The following ADCY5 variants were observed in gnomAD, a reference collection of about 807,000 sequenced individuals.
The protein encoded by ADCY5 is adenylate cyclase 5, also known as adenylate cyclase type 5.
In ADCY5, 30 loss-of-function variants were observed where a neutral mutation model predicts 119.7. The ratio of observed to expected loss-of-function variants is 0.25; its 90% CI spans 0.19 to 0.34. The LOEUF is 0.34. ADCY5 is among the 10% of genes least tolerant of loss of function. ADCY5 has a pLI of 1.00. For synonymous variants in ADCY5, 753 were observed against 762.2 expected (o/e 0.99, Z 0.20); for missense variants, 1,324 against 1,775.2 (o/e 0.75, Z 4.57).
chr3:123,311,951 A>G (rs1294357759), intron 12 of ADCY5, among the ~76,000 whole-genome samples: 1 of 152,196 alleles, frequency 6.6e-6, no homozygotes, highest in Admixed American at 6.5e-5. Flanking sequence ...GGCACTGATA[A>G]CAAAATAGGC....
At chr3:123,320,089 T>C (rs976161409) in intron 9 of ADCY5, among the ~76,000 whole-genome samples, 4 of 152,236 alleles carry the variant, frequency 2.6e-5, no homozygotes, top group African/African-American at 9.6e-5. Flanking sequence ...TAACATATTA[T>C]ATTAGCATAA....
At chr3:123,303,246 G>C (rs777197837) in intron 13 of ADCY5, 27 bp from the exon 14 acceptor site, 5 of 1,606,230 alleles carry the variant, frequency 3.1e-6, no homozygotes, top group East Asian at 2.2e-5. Context: ...GGGTGATGAG[G>C]GGAGGGTAAG....
At position 123,396,598 on chromosome 3, in the gene ADCY5, AAG is replaced by A. The variant is rs200435918; in HGVS notation, c.1135-44019_1135-44018del. 6.5e-3 allele frequency among the ~76,000 whole-genome samples: 857 copies of A among 132,556 alleles called. 15 individuals carry two copies. The highest frequency in any genetic ancestry group is 0.022 in the African/African-American group (791 of 35,894). 87.0% of individuals were successfully genotyped at this position (132,556 alleles called of 152,430 possible). A position where few individuals can be genotyped will look rare whatever the true frequency, so the allele number is the denominator to read the frequency against. ...AAAAAGAAAAGAAAAGAGAAGAAAAAAGAGAGAAGGGAGGGAGGAAGAAGGGA... is the reference window on the plus strand; with the variant it reads ...AAAAAGAAAAGAAAAGAGAAGAAAAAAGAGAAGGGAGGGAGGAAGAAGGGA... On this transcript the variant is annotated intron_variant, in intron 1 of 20. Transcript: ENST00000462833.
chr3:123,345,765 G>GACAGACAC (rs1942511788), intron 3 of ADCY5, among the ~76,000 whole-genome samples: 4 of 135,340 alleles, frequency 3.0e-5, no homozygotes, highest in Admixed American at 7.2e-5. Flanking sequence ...CAGACAGACA[G>GACAGACAC]ACAGACACAC....
chr3:123,435,936 G>A (rs750142753), intron 1 of ADCY5, among the ~76,000 whole-genome samples: 31 of 148,540 alleles, frequency 2.1e-4, no homozygotes, highest in Non-Finnish European at 3.9e-4. Flanking sequence ...TGTCACCTGG[G>A]CTGGAGTGCA....
At chr3:123,301,154 G>C (rs560204878) in intron 14 of ADCY5, among the ~76,000 whole-genome samples, 17 of 151,544 alleles carry the variant, frequency 1.1e-4, no homozygotes, top group African/African-American at 3.7e-4. Context: ...ACGTCCCTAG[G>C]CACGTCAGCA....
In ADCY5 at chr3:123,304,063, C is replaced by A; in HGVS notation, c.2559+4G>T. ...AGGTGCTAGGAGGTCGTGCAGCCAC[C>A]CACCATGTTGACAAAAGCCGCCAGG... On this transcript the variant is annotated splice_donor_region_variant and intron_variant, in intron 13 of 20. Transcript: ENST00000462833. 6.2e-7 allele frequency: 1 copy of A among 1,600,800 alleles called. No homozygotes were observed. Among genetic ancestry groups the A allele is most frequent in the Non-Finnish European group, 8.6e-7 (1 of 1,167,950 alleles).
intron 1 of ADCY5, among the ~76,000 whole-genome samples, chr3:123,421,969 T>C (rs1368699265): frequency 6.6e-6 from 1 of 152,142 alleles, no homozygotes; most frequent in Non-Finnish European, 1.5e-5. Context: ...TGTGTGTGCA[T>C]GTTGGTGTGC....
intron 8 of ADCY5, among the ~76,000 whole-genome samples, chr3:123,324,278 C>A (rs1941361566): frequency 6.6e-6 from 1 of 152,162 alleles, no homozygotes; most frequent in African/African-American, 2.4e-5. Flanking sequence ...GCTGACCCTG[C>A]TGGATTTCCA....
rs756174070 is a variant in ADCY5 at position 123,448,246 on chromosome 3, C to A, written c.300G>T (p.Lys100Asn). 3 of 1,485,734 alleles carry A rather than the reference C, an allele frequency of 2.0e-6. No individual in the cohort carries two copies. Among genetic ancestry groups the A allele is most frequent in the Admixed American group, 4.4e-5 (2 of 45,748 alleles). The allele number at this position is 1,485,734 out of a possible 1,614,324, so 92.0% of individuals were successfully genotyped here. The change falls in exon 1 of 21, where the codon AAG (lysine) becomes AAT (asparagine). Residue 100 changes from lysine to asparagine, a missense_variant. Physicochemically the swap from Lys to Asn is moderately conservative, Grantham distance 94 (BLOSUM62 0). This residue lies in a region of ADCY5 where 585 missense variants were observed against 569.9 expected (regional missense o/e 1.03). Transcript: ENST00000462833. ...CGCCGCCGCGCTCCTGCCAGGCGGA[C>A]TTGGAGCGGAAGCTGAAGCCGAAGC... ...AGGFGFSFRS[K>N]SAWQERGGDD...
At chr3:123,396,826 G>GAGAGAC (rs1944607659) in intron 1 of ADCY5, among the ~76,000 whole-genome samples, 3 of 150,404 alleles carry the variant, frequency 2.0e-5, no homozygotes, top group African/African-American at 7.3e-5. Flanking sequence ...AGGCGAGAGA[G>GAGAGAC]AGAGAGAGAG....
chr3:123,308,754 G>A (rs577619516), intron 12 of ADCY5, among the ~76,000 whole-genome samples: 11 of 152,172 alleles, frequency 7.2e-5, no homozygotes, highest in Non-Finnish European at 1.3e-4. Context: ...GCGTGAACCC[G>A]GGAGGCGGAG....
chr3:123,354,005 A>G (rs1942950900), intron 1 of ADCY5, among the ~76,000 whole-genome samples: 1 of 152,118 alleles, frequency 6.6e-6, no homozygotes, highest in Non-Finnish European at 1.5e-5. Context: ...GCCTTCCAGG[A>G]AGGGGCAAGT....
At chr3:123,402,713 CG>C (rs998064710) in intron 1 of ADCY5, among the ~76,000 whole-genome samples, 34 of 151,916 alleles carry the variant, frequency 2.2e-4, no homozygotes, top group Non-Finnish European at 1.9e-4. Flanking sequence ...ATTAGTCAGG[CG>C]TGGTGGTGGG....
chr3:123,352,149 G>C lies in ADCY5; in HGVS notation c.1284+283C>G, dbSNP rs148486950. Reference sequence around the variant, plus strand: ...GAAGGAGTGGGGGCCGTGTGGGGAGGGAGAGAGGGACCCTCTGGCTGCTGG... The same window carrying C: ...GAAGGAGTGGGGGCCGTGTGGGGAGCGAGAGAGGGACCCTCTGGCTGCTGG... On this transcript the variant is annotated intron_variant, in intron 2 of 20. Transcript: ENST00000462833. The surrounding 1 kb of genome is among the most constrained non-coding windows in gnomAD (Gnocchi z 4.8). 4.1e-4 allele frequency among the ~76,000 whole-genome samples: 62 copies of C among 152,210 alleles called. 1 individual carries two copies. The East Asian group carries it at 0.011, about 28-fold the overall frequency.
chr3:123,299,889 G>A (rs946628035), intron 15 of ADCY5, among the ~76,000 whole-genome samples: 2 of 152,182 alleles, frequency 1.3e-5, no homozygotes, highest in Admixed American at 6.5e-5. Context: ...CAAGCGGGGA[G>A]CAAACCAGAG....
intron 8 of ADCY5, among the ~76,000 whole-genome samples, chr3:123,324,303 G>A (rs1438804070): frequency 6.6e-6 from 1 of 151,938 alleles, no homozygotes; most frequent in African/African-American, 2.4e-5. Flanking sequence ...GTCCGTCTCT[G>A]ATCCCTTCTG....
At chr3:123,330,443 C>T (rs559828498) in intron 5 of ADCY5, among the ~76,000 whole-genome samples, 7 of 152,332 alleles carry the variant, frequency 4.6e-5, no homozygotes, top group Admixed American at 2.6e-4. Flanking sequence ...CATTTGAATC[C>T]GCCTGCCTGG....
Position 123,347,786 on chromosome 3 carries a change from C to T in ADCY5, c.1402G>A (p.Val468Met). 3 of 1,614,056 alleles carry T rather than the reference C, an allele frequency of 1.9e-6. No individual in the cohort carries two copies. The highest frequency in any genetic ancestry group is 2.5e-6 in the Non-Finnish European group (3 of 1,179,948). Residue 468 changes from valine to methionine, a missense_variant, in exon 3 of 21, where the codon GTG (valine) becomes ATG (methionine). By Grantham distance (21) the Val-to-Met change is conservative. Coordinates refer to ENST00000462833, the MANE Select transcript of ADCY5 (RefSeq NM_183357.3). ...HKIYIQKHDNVSILFADIEGF... is the reference protein window; with the variant it reads ...HKIYIQKHDNMSILFADIEGF... ...CTCCCCCAGCTTCACCCCTACCTCACGTTGTCATGTTTCTGGATGTAAATC... is the reference window on the plus strand; with the variant it reads ...CTCCCCCAGCTTCACCCCTACCTCATGTTGTCATGTTTCTGGATGTAAATC...
Sources: allele counts gnomAD v4.1 joint callset (sites outside exome capture counted in the v4.1 genomes callset), GRCh38; gene constraint gnomAD v4.1.1; regional missense constraint gnomAD v4.1.1; non-coding constraint Gnocchi (gnomAD v3.1); transcripts MANE v1.5; gene names NCBI Gene and HGNC (gene_info 2026-07-23, HGNC 2026-07-21).